The following NOP9 variants were observed in gnomAD, a reference collection of about 807,000 sequenced individuals.
NOP9 encodes the protein NOP9 nucleolar protein, also known as nucleolar protein 9.
Under a neutral mutation model 63.0 loss-of-function variants are expected in NOP9, and 50 were observed. The observed-to-expected ratio is 0.79, with a 90% confidence interval of 0.63 to 1.00. NOP9 has a LOEUF of 1.00. Ranked by LOEUF, NOP9 falls within the 50% of genes least tolerant of loss-of-function variation. The pLI is 0.00. For synonymous variants in NOP9, 343 were observed against 332.8 expected, an observed-to-expected ratio of 1.03 and a Z score of -0.33; for missense variants, 758 against 803.0, an observed-to-expected ratio of 0.94 and a Z score of 0.68.
Position 24,304,258 on chromosome 14 carries a change from G to A in NOP9, c.1628G>A (p.Arg543His), listed in dbSNP as rs898297801. The stretch of plus-strand genomic sequence containing the variant: ...TCTGTGACGCGCAAGCTGCGCCGCC[G>A]TGTGCTGCAGAACCTAAAGGTTAGA... The part of the protein sequence containing the change: ...SPSVTRKLRR[R>H]VLQNLKGQYV... The change falls in exon 8 of 10, where the codon CGT (arginine) becomes CAT (histidine). Residue 543 changes from arginine to histidine, a missense_variant. Transcript: ENST00000267425. 22 of 1,613,510 alleles carry A rather than the reference G, an allele frequency of 1.4e-5. No individual in the cohort carries two copies. The highest frequency in any genetic ancestry group is 4.5e-5 in the East Asian group (2 of 44,886).
At position 24,303,641 on chromosome 14, in the gene NOP9, G is replaced by T; in HGVS notation, c.1285-91G>T. ...GGAGCTAACATTCTTGTGGAGTTGG[G>T]CCTTCTTTCCTTTCCTGAAGGTGTT... On this transcript the variant is annotated intron_variant, in intron 6 of 9. Transcript: ENST00000267425. The T allele has an allele frequency of 2.2e-6, 3 of 1,360,856 alleles. No homozygotes were observed. The South Asian group carries it at 3.6e-5, about 16-fold the overall frequency. The allele number at this position is 1,360,856 out of a possible 1,614,324, so 84.3% of individuals were successfully genotyped here. A position where few individuals can be genotyped will look rare whatever the true frequency, so the allele number is the denominator to read the frequency against.
chr14:24,275,868 T>C, the NOP9 span, among the ~76,000 whole-genome samples: 1 of 152,206 alleles, frequency 6.6e-6, no homozygotes, highest in Non-Finnish European at 1.5e-5. Flanking sequence ...GATCCAGTAG[T>C]GGACCAGAAA....
chr14:24,296,975 ACAAT>A (rs1198765708), upstream of NOP9: 25 of 1,555,108 alleles, frequency 1.6e-5, no homozygotes, highest in African/African-American at 4.1e-5. Context: ...AACTGAGAAG[ACAAT>A]CAATCCTAGG....
the NOP9 span, among the ~76,000 whole-genome samples, chr14:24,281,222 TGTG>T: frequency 3.6e-4 from 55 of 152,012 alleles, no homozygotes; most frequent in African/African-American, 1.2e-3. Context: ...GAGGCTGAGG[TGTG>T]GTGTGTGGGG....
In NOP9 at chr14:24,303,849, G is replaced by A. The variant is rs1473503589; in HGVS notation, c.1402G>A (p.Glu468Lys). 4 of 1,614,084 alleles carry A rather than the reference G, an allele frequency of 2.5e-6. No individual in the cohort carries two copies. The stretch of plus-strand genomic sequence containing the variant: ...GGAGGAGGAGGGGGCAGTGCCTGCA[G>A]AGCACCAGGTGAGGTAGGGGAGAGG... ...LTEEEGAVPA[E>K]HQVAMAAARA... is the part of the protein sequence containing the mutation. The change falls in exon 7 of 10, where the codon GAG (glutamate) becomes AAG (lysine). Residue 468 changes from glutamate (E) to lysine (K), a missense_variant. By Grantham distance (56) the Glu-to-Lys change is moderately conservative. Coordinates refer to ENST00000267425, the MANE Select transcript of NOP9 (RefSeq NM_174913.3).
At chr14:24,290,797 C>T in the NOP9 span, 1 of 1,600,898 alleles carries the variant, frequency 6.2e-7, no homozygotes, top group Non-Finnish European at 8.5e-7. Flanking sequence ...TTCACTGAGA[C>T]AGGACGAACC....
upstream of NOP9, chr14:24,298,985 A>T: frequency 6.2e-7 from 1 of 1,612,984 alleles, no homozygotes; most frequent in South Asian, 1.1e-5. Flanking sequence ...AAGGGTGTCC[A>T]GATGGCGGCC....
chr14:24,281,095 A>G, the NOP9 span, among the ~76,000 whole-genome samples: 1 of 152,188 alleles, frequency 6.6e-6, no homozygotes, highest in South Asian at 2.1e-4. Context: ...CTGGCAAAGA[A>G]CACTGAGGGG....
upstream of NOP9, among the ~76,000 whole-genome samples, chr14:24,295,488 G>A (rs938118757): frequency 6.6e-6 from 1 of 152,214 alleles, no homozygotes. Context: ...GGGTGGGCAG[G>A]AGGTGCTGGG....
the NOP9 span, chr14:24,293,514 C>T: frequency 1.3e-5 from 2 of 152,174 alleles, no homozygotes; most frequent in East Asian, 3.9e-4. Context: ...GCGGAGGTTG[C>T]AGTAAGCTGA....
chr14:24,299,057 CT>C (rs1328651588), upstream of NOP9: 1 of 1,613,988 alleles, frequency 6.2e-7, no homozygotes, highest in East Asian at 2.2e-5. Flanking sequence ...GCCAATACCC[CT>C]GGAGGCACCA....
At chr14:24,289,134 G>A in the NOP9 span, among the ~76,000 whole-genome samples, 1 of 151,964 alleles carries the variant, frequency 6.6e-6, no homozygotes, top group Non-Finnish European at 1.5e-5. Flanking sequence ...CCGCCACCAC[G>A]CCCAGCTAAT....
chr14:24,301,697 C>T lies in NOP9; in HGVS notation c.783C>T (p.Ser261=), dbSNP rs1566410906. 1.1e-5 allele frequency: 18 copies of T among 1,614,170 alleles called. No individual in the cohort carries two copies. The highest frequency in any genetic ancestry group is 1.4e-5 in the Non-Finnish European group (17 of 1,180,028). Residue 261 remains serine, a synonymous_variant, in exon 3 of 10, where the codon AGC becomes AGT. Coordinates refer to ENST00000267425, the MANE Select transcript of NOP9 (RefSeq NM_174913.3). The part of the protein sequence containing the change: ...ETFLNRLQDL[S]SSFLKDIAVF... Reference sequence around the variant, plus strand: ...TTTTGAATCGCCTTCAGGACCTGAGCTCCTCCTTTCTGAAGGACATTGCAG... The same window carrying T: ...TTTTGAATCGCCTTCAGGACCTGAGTTCCTCCTTTCTGAAGGACATTGCAG...
rs1484675872 is a variant in NOP9, at chr14:24,300,070, C to T, written c.116C>T (p.Pro39Leu). Residue 39 changes from proline to leucine, a missense_variant, in exon 1 of 10, where the codon CCC becomes CTC. By Grantham distance (98) the Pro-to-Leu change is moderately conservative. Transcript: ENST00000267425. ...CCCTTACCAGGCCGTAAGCGGCAAC[C>T]CTGGCCGCCTCCGGATGGGCGCTCG... Reference protein sequence around the residue: ...GRPLPGRKRQPWPPPDGRSEP... With the variant: ...GRPLPGRKRQLWPPPDGRSEP... 3.1e-6 allele frequency: 5 copies of T among 1,612,570 alleles called. No homozygotes were observed. The African/African-American group carries it at 4.0e-5, about 13-fold the overall frequency.
At chr14:24,303,997 C>G (rs1479587718) in intron 7 of NOP9, 44 bp from the exon 8 acceptor site, 1 of 1,591,292 alleles carries the variant, frequency 6.3e-7, no homozygotes, top group Admixed American at 1.7e-5. Context: ...GCTCATCCAC[C>G]TGGCTTGTTG....
the NOP9 span, among the ~76,000 whole-genome samples, chr14:24,285,151 G>A: frequency 6.6e-6 from 1 of 152,170 alleles, no homozygotes; most frequent in Admixed American, 6.5e-5. Flanking sequence ...CAACCCTTGG[G>A]CAGTTGTTCT....
At chr14:24,292,545 G>A in the NOP9 span, 1 of 1,588,864 alleles carries the variant, frequency 6.3e-7, no homozygotes, top group Non-Finnish European at 8.6e-7. Flanking sequence ...AGGAGGAGCT[G>A]AGAGGAGCCA....
At chr14:24,304,358 A>G in intron 8 of NOP9, 81 bp downstream of exon 8, 1 of 1,357,208 alleles carries the variant, frequency 7.4e-7, no homozygotes, top group African/African-American at 1.4e-5. Flanking sequence ...GTACCTTCAG[A>G]CTCAAAAAGG....
chr14:24,273,176 AT>A, the NOP9 span, among the ~76,000 whole-genome samples: 724 of 137,810 alleles, frequency 5.3e-3, no homozygotes, highest in East Asian at 0.011. Flanking sequence ...AGTGCTTTAA[AT>A]TTTTTTTTTT....
Sources: allele counts gnomAD v4.1 joint callset (sites outside exome capture counted in the v4.1 genomes callset), GRCh38; gene constraint gnomAD v4.1.1; transcripts MANE v1.5; gene names NCBI Gene and HGNC (gene_info 2026-07-23, HGNC 2026-07-21).